Variants in TBC1D13 observed in about 807,000 individuals in gnomAD.
The protein encoded by TBC1D13 is TBC1 domain family member 13.
Under a neutral mutation model 53.6 loss-of-function variants are expected in TBC1D13, and 40 were observed. That is an observed-to-expected ratio of 0.75 (90% CI 0.58 to 0.97). The LOEUF is 0.97. Among genes scored for constraint, TBC1D13 ranks in the 50% least tolerant of loss-of-function variants. TBC1D13 has a pLI of 0.00. For synonymous variants in TBC1D13, 182 were observed against 197.7 expected (o/e 0.92, Z 0.67); for missense variants, 377 against 499.4 (o/e 0.75, Z 2.34).
At chr9:128,805,473 A>G (rs1829814454) in intron 9 of TBC1D13, among the ~76,000 whole-genome samples, 1 of 152,242 alleles carries the variant, frequency 6.6e-6, no homozygotes, top group Non-Finnish European at 1.5e-5. Context: ...GAGAGGACAT[A>G]TTTAATATTC....
At chr9:128,806,445 G>C (rs1173972421) in intron 11 of TBC1D13, 134 bp downstream of exon 11, 35 of 1,028,496 alleles carry the variant, frequency 3.4e-5, no homozygotes, top group Non-Finnish European at 4.2e-5. Context: ...AGACCCCTGA[G>C]CAGATCTGGT....
At chr9:128,790,664 G>A (rs1829516520) in intron 2 of TBC1D13, 71 bp from the exon 3 acceptor site, 15 of 1,443,740 alleles carry the variant, frequency 1.0e-5, no homozygotes, top group Non-Finnish European at 1.0e-5. Context: ...CCGCCAGTTG[G>A]CTCCACGGTG....
intron 7 of TBC1D13, among the ~76,000 whole-genome samples, chr9:128,798,868 G>T (rs1462557933): frequency 1.3e-5 from 2 of 152,064 alleles, no homozygotes; most frequent in Non-Finnish European, 2.9e-5. Flanking sequence ...TTTGTTTTTT[G>T]TTTGTTTGTT....
intron 7 of TBC1D13, among the ~76,000 whole-genome samples, chr9:128,799,809 C>T (rs1829699532): frequency 6.6e-6 from 1 of 152,168 alleles, no homozygotes; most frequent in African/African-American, 2.4e-5. Context: ...ATCATGAGGT[C>T]AGGAGATCGA....
intron 6 of TBC1D13, among the ~76,000 whole-genome samples, chr9:128,796,206 C>T (rs1345752493): frequency 1.3e-5 from 2 of 152,134 alleles, no homozygotes; most frequent in East Asian, 1.9e-4. Context: ...CTGTGTCAGC[C>T]TCCCCAGTAG....
Position 128,790,733 on chromosome 9 carries a change from A to C in TBC1D13, c.98-2A>C. On this transcript the variant is annotated splice_acceptor_variant, in intron 2 of 11. Transcript: ENST00000372648. LOFTEE classifies it high-confidence loss of function. ...CATGACCTTTGCCTGCTGTGTCCAC[A>C]GGCATCCCCTGTGAGGGCGGACTGC... The C allele has an allele frequency of 6.4e-7, 1 of 1,550,526 alleles. No homozygotes were observed. Among genetic ancestry groups the C allele is most frequent in the South Asian group, 1.2e-5 (1 of 82,350 alleles).
At chr9:128,799,407 A>G (rs563950300) in intron 7 of TBC1D13, among the ~76,000 whole-genome samples, 35 of 152,290 alleles carry the variant, frequency 2.3e-4, no homozygotes, top group Middle Eastern at 3.4e-3. Context: ...TTCCTAGACC[A>G]TAAACTGGGC....
intron 7 of TBC1D13, 152 bp from the exon 8 acceptor site, chr9:128,803,098 G>A (rs1256889202): frequency 3.0e-6 from 2 of 671,154 alleles, no homozygotes; most frequent in Non-Finnish European, 5.2e-6. Context: ...CTATCACCCA[G>A]GCTGGAATGC....
chr9:128,787,522 T>G (rs1589563246), intron 1 of TBC1D13, 146 bp downstream of exon 1: 1 of 830,928 alleles, frequency 1.2e-6, no homozygotes, highest in Non-Finnish European at 1.6e-6. Flanking sequence ...CTAACCTCAT[T>G]GCCTGTGGGC....
Position 128,787,279 on chromosome 9 carries a change from C to A in TBC1D13, c.-75C>A. Reference sequence around the variant, plus strand: ...CGCAGAGCCCCGCGTCCCTGGGGGGCGGCGGCGGCGGCGGCAGCGCAGGCG... The same window carrying A: ...CGCAGAGCCCCGCGTCCCTGGGGGGAGGCGGCGGCGGCGGCAGCGCAGGCG... On this transcript the variant is annotated 5_prime_UTR_variant, in exon 1 of 12. Transcript: ENST00000372648. 2 of 1,179,770 alleles carry A rather than the reference C, an allele frequency of 1.7e-6. No homozygotes were observed. The highest frequency in any genetic ancestry group is 2.2e-6 in the Non-Finnish European group (2 of 928,476). The allele number at this position is 1,179,770 out of a possible 1,614,324, so 73.1% of individuals were successfully genotyped here.
intron 2 of TBC1D13, chr9:128,789,813 A>ATATATATATATATATATATATATATGT (rs1564422272): frequency 3.4e-4 from 1 of 2,946 alleles, no homozygotes; most frequent in African/African-American, 6.0e-4. Flanking sequence ...ATATATATAT[A>ATATATATATATATATATATATATATGT]ATAATTCCAC....
At position 128,790,769 on chromosome 9, in the gene TBC1D13, C is replaced by A; in HGVS notation, c.132C>A (p.Cys44Ter). ...GTGAGGGCGGACTGCGGTGCCTCTG[C>A]TGGAAGGTGGGTGTGCCTGGGGTGG... ...IPCEGGLRCLCWKILLNYLPL... is the reference protein window; with the variant it reads ...IPCEGGLRCL Residue 44 changes from cysteine to a stop codon, truncating the protein, a stop_gained, in exon 3 of 12, where the codon TGC (cysteine) becomes TGA (stop). Transcript: ENST00000372648. LOFTEE classifies it high-confidence loss of function. 1 of 1,557,422 alleles carries A rather than the reference C, an allele frequency of 6.4e-7. No individual in the cohort carries two copies. Among genetic ancestry groups the A allele is most frequent in the Non-Finnish European group, 8.6e-7 (1 of 1,160,978 alleles).
chr9:128,801,651 C>G (rs913429475), intron 7 of TBC1D13, among the ~76,000 whole-genome samples: 35 of 151,888 alleles, frequency 2.3e-4, no homozygotes, highest in Non-Finnish European at 4.0e-4. Flanking sequence ...TGCACTCCAG[C>G]CTGGGTGACA....
Position 128,804,113 on chromosome 9 carries a change from G to A in TBC1D13, c.912G>A (p.Leu304=), listed in dbSNP as rs1829785000. ...AAGATAAGGATGTGGAGCTCTACCT[G>A]AAACTGGTGAGGACCCCAGGAACAG... ...TLKDKDVELY[L]KLQEQNIKPQ... is the part of the protein sequence containing the mutation. The change falls in exon 9 of 12, where the codon CTG becomes CTA. Residue 304 remains leucine (L), a synonymous_variant. Transcript: ENST00000372648. The A allele has an allele frequency of 1.2e-6, 2 of 1,613,858 alleles. No individual in the cohort carries two copies. The highest frequency in any genetic ancestry group is 1.7e-6 in the Non-Finnish European group (2 of 1,179,964).
intron 7 of TBC1D13, among the ~76,000 whole-genome samples, chr9:128,801,803 C>A (rs1437030639): frequency 2.7e-5 from 4 of 150,432 alleles, no homozygotes; most frequent in Non-Finnish European, 5.9e-5. Context: ...GCACTGTCAC[C>A]CAGGCTGGAG....
chr9:128,792,305 A>T (rs1457764181), intron 5 of TBC1D13, among the ~76,000 whole-genome samples, 187 bp from the exon 6 acceptor site: 2 of 152,126 alleles, frequency 1.3e-5, no homozygotes, highest in Non-Finnish European at 2.9e-5. Context: ...GTGGAGTTTG[A>T]ACGGATTCAG....
chr9:128,787,340 C>A lies in TBC1D13; in HGVS notation c.-14C>A, dbSNP rs1041805980. 1 of 1,259,726 alleles carries A rather than the reference C, an allele frequency of 7.9e-7. No individual in the cohort carries two copies. The highest frequency in any genetic ancestry group is 1.5e-5 in the African/African-American group (1 of 64,810). The allele number at this position is 1,259,726 out of a possible 1,614,324, so 78.0% of individuals were successfully genotyped here. On this transcript the variant is annotated 5_prime_UTR_variant, in exon 1 of 12. Coordinates refer to ENST00000372648, the MANE Select transcript of TBC1D13 (RefSeq NM_018201.5). Reference sequence around the variant, plus strand: ...AGGCGGCGGAGGCGGCTGGGGGGTCCGGAAGTCAACACCATGTCAAGTCTG... The same window carrying A: ...AGGCGGCGGAGGCGGCTGGGGGGTCAGGAAGTCAACACCATGTCAAGTCTG...
At chr9:128,790,426 T>A (rs547152217) in intron 2 of TBC1D13, among the ~76,000 whole-genome samples, 5 of 151,852 alleles carry the variant, frequency 3.3e-5, no homozygotes, top group African/African-American at 1.2e-4. Flanking sequence ...ATACAAAAAT[T>A]AGCTGAGCAC....
At chr9:128,793,279 G>A (rs1240206033) in intron 6 of TBC1D13, among the ~76,000 whole-genome samples, 4 of 152,232 alleles carry the variant, frequency 2.6e-5, no homozygotes. Flanking sequence ...GGAGTGACAG[G>A]GTCAAATACA....
Sources: allele counts gnomAD v4.1 joint callset (sites outside exome capture counted in the v4.1 genomes callset), GRCh38; gene constraint gnomAD v4.1.1; transcripts MANE v1.5; gene names NCBI Gene and HGNC (gene_info 2026-07-23, HGNC 2026-07-21).